ABCC6: variants seen among roughly 807,000 people sequenced by gnomAD.
ABCC6 encodes the protein ATP-binding cassette sub-family C member 6.
Under a neutral mutation model 169.5 loss-of-function variants are expected in ABCC6, and 126 were observed. The ratio of observed to expected loss-of-function variants is 0.74; its 90% confidence interval spans 0.64 to 0.86. ABCC6 has a LOEUF of 0.86. Ranked by LOEUF, ABCC6 falls within the 40% of genes least tolerant of loss-of-function variation. The pLI is 0.00. For synonymous variants in ABCC6, 752 were observed against 814.7 expected, an observed-to-expected ratio of 0.92 and a Z score of 1.31; for missense variants, 1,733 against 1,927.2, an observed-to-expected ratio of 0.90 and a Z score of 1.89.
intron 17 of ABCC6, chr16:16,182,056 C>T: frequency 2.5e-6 from 1 of 405,384 alleles, no homozygotes; most frequent in South Asian, 2.2e-5. Flanking sequence ...ACATCTCTGT[C>T]CAGACCCCTT....
At chr16:16,178,395 T>G (rs2047357306) in intron 18 of ABCC6, among the ~76,000 whole-genome samples, 2 of 151,524 alleles carry the variant, frequency 1.3e-5, no homozygotes, top group Admixed American at 6.6e-5. Context: ...GGGGTTGGGG[T>G]GGGGGTATTG....
At chr16:16,195,896 T>G (rs1407522758) in intron 10 of ABCC6, among the ~76,000 whole-genome samples, 1 of 152,074 alleles carries the variant, frequency 6.6e-6, no homozygotes, top group African/African-American at 2.4e-5. Context: ...ATTCAGCAAT[T>G]ACAATCAAAA....
chr16:16,162,838 C>T (rs2046761580), intron 24 of ABCC6, among the ~76,000 whole-genome samples, 155 bp downstream of exon 24: 1 of 152,178 alleles, frequency 6.6e-6, no homozygotes. Flanking sequence ...GTTCCATCTG[C>T]CCACGGTGAG....
At position 16,149,903 on chromosome 16, in the gene ABCC6, T is replaced by A. The variant is rs1596577916; in HGVS notation, c.*230A>T. 1 of 635,454 alleles carries A rather than the reference T, an allele frequency of 1.6e-6. No individual in the cohort carries two copies. Among genetic ancestry groups the A allele is most frequent in the African/African-American group, 1.8e-5 (1 of 55,672 alleles). The allele number at this position is 635,454 out of a possible 1,614,324, so 39.4% of individuals were successfully genotyped here. A position where few individuals can be genotyped will look rare whatever the true frequency, so the allele number is the denominator to read the frequency against. On this transcript the variant is annotated 3_prime_UTR_variant, in exon 31 of 31. Transcript: ENST00000205557. ...GTCGCTGTTGACATTGGCTGCAGGGTGGACAGGGCGAGATGGGCCCTGCCC... is the reference window on the plus strand; with the variant it reads ...GTCGCTGTTGACATTGGCTGCAGGGAGGACAGGGCGAGATGGGCCCTGCCC...
At chr16:16,168,782 C>G (rs529726056) in intron 22 of ABCC6, among the ~76,000 whole-genome samples, 1 of 152,200 alleles carries the variant, frequency 6.6e-6, no homozygotes, top group South Asian at 2.1e-4. Flanking sequence ...CTGGGGAAAT[C>G]ACAATGAGAT....
At chr16:16,203,711 G>A in intron 7 of ABCC6, 98 bp from the exon 8 acceptor site, 1 of 1,342,018 alleles carries the variant, frequency 7.5e-7, no homozygotes. Flanking sequence ...CAACAGTGGA[G>A]ATGGGTGGGT....
intron 14 of ABCC6, among the ~76,000 whole-genome samples, chr16:16,185,405 A>G (rs1054068066): frequency 1.3e-5 from 2 of 152,236 alleles, no homozygotes; most frequent in Non-Finnish European, 2.9e-5. Flanking sequence ...AATATGCACA[A>G]TCTGGTCATT....
At chr16:16,200,973 T>TG (rs913656910) in intron 9 of ABCC6, among the ~76,000 whole-genome samples, 5 of 152,110 alleles carry the variant, frequency 3.3e-5, no homozygotes, top group Non-Finnish European at 7.4e-5. Context: ...TGTTTTGTTT[T>TG]TTTTTTGTTC....
intron 5 of ABCC6, among the ~76,000 whole-genome samples, chr16:16,212,990 C>T (rs1280921665): frequency 1.3e-5 from 2 of 152,034 alleles, no homozygotes; most frequent in Non-Finnish European, 2.9e-5. Context: ...TTTTTGCCAT[C>T]ACAGCTTATT....
rs1352595883 is a variant in ABCC6, at chr16:16,214,438, G to A, written c.486C>T (p.Ser162=). The A allele has an allele frequency of 9.7e-6, 15 of 1,551,498 alleles. No homozygotes were observed. Among genetic ancestry groups the A allele is most frequent in the Middle Eastern group, 1.7e-4 (1 of 6,008 alleles). ...AGGTGGACAGGTGGCGGACAGGGTC[G>A]CTCTGGAAGCCCTGTGGGAGGGAAA... ...AQQASGAGFQ[S]DPVRHLSTYL... The change falls in exon 5 of 31, where the codon AGC becomes AGT. Residue 162 remains serine (S), a synonymous_variant. Transcript: ENST00000205557.
chr16:16,167,687 T>C (rs2046921860), intron 22 of ABCC6, among the ~76,000 whole-genome samples: 1 of 152,228 alleles, frequency 6.6e-6, no homozygotes, highest in South Asian at 2.1e-4. Flanking sequence ...CAGGCTGATC[T>C]TGAACTCCTG....
rs1416849864 is a variant in ABCC6, at chr16:16,203,590, T to C, written c.818A>G (p.Lys273Arg). Residue 273 changes from lysine to arginine, a missense_variant, in exon 8 of 31, where the codon AAA becomes AGA. Coordinates refer to ENST00000205557, the MANE Select transcript of ABCC6 (RefSeq NM_001171.6). ...CTTCATGCCACTGCCGCCTTTCCTT[T>C]TAAATGCTATTGCCTTGTTGTGCCT... ...ARRHNKAIAF[K>R]RKGGSGMKAP... is the part of the protein sequence containing the mutation. 4 of 1,614,034 alleles carry C rather than the reference T, an allele frequency of 2.5e-6. No homozygotes were observed. In the East Asian group the frequency reaches 6.7e-5, roughly 27 times the overall value.
intron 2 of ABCC6, among the ~76,000 whole-genome samples, chr16:16,220,647 G>A (rs1217737477): frequency 1.3e-5 from 2 of 152,334 alleles, no homozygotes; most frequent in Non-Finnish European, 2.9e-5. Flanking sequence ...TGTAATCCCA[G>A]CACTTTGGCA....
At chr16:16,185,203 G>T (rs1376799531) in intron 14 of ABCC6, among the ~76,000 whole-genome samples, 169 bp from the exon 15 acceptor site, 1 of 152,176 alleles carries the variant, frequency 6.6e-6, no homozygotes, top group African/African-American at 2.4e-5. Flanking sequence ...GGGTGACCCC[G>T]CAGGGTTCTT....
chr16:16,182,294 C>T lies in ABCC6; in HGVS notation c.2247+118G>A, dbSNP rs74714883. 1.2e-3 allele frequency: 1,605 copies of T among 1,359,792 alleles called. 10 individuals carry two copies. The African/African-American group carries it at 0.016, about 13-fold the overall frequency. The allele number at this position is 1,359,792 out of a possible 1,614,324, so 84.2% of individuals were successfully genotyped here. On this transcript the variant is annotated intron_variant, in intron 17 of 30. Coordinates refer to ENST00000205557, the MANE Select transcript of ABCC6 (RefSeq NM_001171.6). ...GACGCTGAGCTGAGCCCTTTTTCTC[C>T]GCTACTTCCCTAACCATTCCTCTCA...
At position 16,174,759 on chromosome 16, in the gene ABCC6, AAC is replaced by A; in HGVS notation, c.2666+1150_2666+1151del. Among the ~76,000 whole-genome samples the A allele has an allele frequency of 2.4e-5, 2 of 84,538 alleles. 1 individual carries two copies. Among genetic ancestry groups the A allele is most frequent in the South Asian group, 1.9e-3 (2 of 1,036 alleles). 55.5% of individuals were successfully genotyped at this position (84,538 alleles called of 152,430 possible). ...GCGACAGAGCAAGATTCTGTCTCAAAACCCCCCCCCGCAAAAAACAAAAAACC... is the reference window on the plus strand; with the variant it reads ...GCGACAGAGCAAGATTCTGTCTCAAACCCCCCCCGCAAAAAACAAAAAACC... On this transcript the variant is annotated intron_variant, in intron 20 of 30. Coordinates refer to ENST00000205557, the MANE Select transcript of ABCC6 (RefSeq NM_001171.6).
At chr16:16,214,200 T>G (rs1405363471) in intron 5 of ABCC6, 124 bp downstream of exon 5, 1 of 1,538,328 alleles carries the variant, frequency 6.5e-7, no homozygotes, top group East Asian at 2.4e-5. Flanking sequence ...TGGCATCGAG[T>G]AGAAATGTGG....
At chr16:16,162,933 G>A (rs2046765503) in intron 24 of ABCC6, 60 bp downstream of exon 24, 5 of 1,604,868 alleles carry the variant, frequency 3.1e-6, no homozygotes, top group African/African-American at 1.3e-5. Flanking sequence ...ATGACCTCAG[G>A]TCTCACCCTC....
intron 10 of ABCC6, 78 bp downstream of exon 10, chr16:16,197,943 G>A: frequency 6.8e-7 from 1 of 1,467,112 alleles, no homozygotes; most frequent in Non-Finnish European, 9.3e-7. Flanking sequence ...AGGAGGAAGG[G>A]TGGGAGGGGG....
Sources: allele counts gnomAD v4.1 joint callset (sites outside exome capture counted in the v4.1 genomes callset), GRCh38; gene constraint gnomAD v4.1.1; transcripts MANE v1.5; gene names NCBI Gene and HGNC (gene_info 2026-07-23, HGNC 2026-07-21).